Variants in RNASEL observed in about 807,000 individuals in gnomAD.
The protein encoded by RNASEL is ribonuclease L.
In RNASEL, 36 loss-of-function variants were observed where a neutral mutation model predicts 50.9. The observed-to-expected ratio is 0.71, with a 90% CI of 0.54 to 0.93. RNASEL has a LOEUF of 0.93. RNASEL is among the 40% of genes least tolerant of loss of function. RNASEL has a pLI of 0.00. For missense variants in RNASEL, 860 were observed against 894.5 expected (o/e 0.96, Z 0.49); for synonymous variants, 335 against 335.6 (o/e 1.00, Z 0.02).
In RNASEL at chr1:182,574,713, A is replaced by C. The variant is rs1025381934; in HGVS notation, c.*679T>G. On this transcript the variant is annotated 3_prime_UTR_variant, in exon 7 of 7. Coordinates refer to ENST00000367559, the MANE Select transcript of RNASEL (RefSeq NM_021133.4). ...TCAGACTCTGCCAAATGCTCTCTTCAGTGCAAAATTGCCCCCCAGTTGAGA... is the reference window on the plus strand; with the variant it reads ...TCAGACTCTGCCAAATGCTCTCTTCCGTGCAAAATTGCCCCCCAGTTGAGA... 1 of 232,712 alleles carries C rather than the reference A, an allele frequency of 4.3e-6. No homozygotes were observed. Among genetic ancestry groups the C allele is most frequent in the Non-Finnish European group, 8.5e-6 (1 of 117,968 alleles). 14.4% of individuals were successfully genotyped at this position (232,712 alleles called of 1,614,324 possible). A position where few individuals can be genotyped will look rare whatever the true frequency, so the allele number is the denominator to read the frequency against.
intron 5 of RNASEL, chr1:182,579,599 A>T: frequency 8.6e-7 from 1 of 1,159,474 alleles, no homozygotes; most frequent in South Asian, 1.7e-5. Flanking sequence ...TGCTGACAAA[A>T]TTAATTGTGT....
intron 3 of RNASEL, among the ~76,000 whole-genome samples, chr1:182,582,647 C>T (rs1288531549): frequency 1.3e-5 from 2 of 152,202 alleles, no homozygotes; most frequent in African/African-American, 4.8e-5. Context: ...TGTCACGCAG[C>T]AAATAAAAAA....
chr1:182,586,510 T>G lies in RNASEL; in HGVS notation c.297A>C (p.Ala99=), dbSNP rs1283118236. The part of the protein sequence containing the change: ...KKNGATPFIL[A]AIAGSVKLLK... ...GCAGCTTCACGCTCCCCGCAATCGC[T>G]GCGAGGATAAAAGGCGTGGCCCCAT... Residue 99 remains alanine, a synonymous_variant, in exon 2 of 7, where the codon GCA becomes GCC. Transcript: ENST00000367559. 6.2e-7 allele frequency: 1 copy of G among 1,611,326 alleles called. No homozygotes were observed. Among genetic ancestry groups the G allele is most frequent in the Non-Finnish European group, 8.5e-7 (1 of 1,177,832 alleles).
rs1661590970 is a variant in RNASEL at position 182,586,130 on chromosome 1, A to G, written c.677T>C (p.Leu226Pro). The G allele has an allele frequency of 2.2e-5, 36 of 1,614,200 alleles. No individual in the cohort carries two copies. The highest frequency in any genetic ancestry group is 3.1e-5 in the Non-Finnish European group (36 of 1,180,042). Residue 226 changes from leucine to proline, a missense_variant, in exon 2 of 7, where the codon CTG becomes CCG. Leu to Pro is a moderately conservative substitution (Grantham distance 98). Coordinates refer to ENST00000367559, the MANE Select transcript of RNASEL (RefSeq NM_021133.4). ...CACATTGACATCAGCCCCATGGTCC[A>G]GCAGCAGATGCGTAATAGCCTCCAC... ...SDVEAITHLL[L>P]DHGADVNVRG...
In RNASEL at chr1:182,576,401, AAAAAT is replaced by A; in HGVS notation, c.1906-17_1906-13del. 6.5e-7 allele frequency: 1 copy of A among 1,545,258 alleles called. No homozygotes were observed. Among genetic ancestry groups the A allele is most frequent in the South Asian group, 1.1e-5 (1 of 87,406 alleles). Reference sequence around the variant, plus strand: ...ACACATTCATTAATCTAAAAAAACAAAAAATAACACAAAAATGTGGTAGCAACACA... The same window carrying A: ...ACACATTCATTAATCTAAAAAAACAAAACACAAAAATGTGGTAGCAACACA... On this transcript the variant is annotated splice_polypyrimidine_tract_variant and intron_variant, in intron 5 of 6. Transcript: ENST00000367559.
rs2102370950 is a variant in RNASEL at position 182,585,929 on chromosome 1, C to T, written c.878G>A (p.Cys293Tyr). 2 of 1,614,168 alleles carry T rather than the reference C, an allele frequency of 1.2e-6. No individual in the cohort carries two copies. The highest frequency in any genetic ancestry group is 1.7e-6 in the Non-Finnish European group (2 of 1,180,018). The stretch of plus-strand genomic sequence containing the variant: ...ACAATCTGTACTGGCTCCACGTTTG[C>T]ACAGCAACTCGGCGATTTTCTTCAG... ...LKLKKIAELLCKRGASTDCGD... is the reference protein window; with the variant it reads ...LKLKKIAELLYKRGASTDCGD... Residue 293 changes from cysteine to tyrosine, a missense_variant, in exon 2 of 7, where the codon TGC (cysteine) becomes TAC (tyrosine). Physicochemically the swap from Cys to Tyr is radical, Grantham distance 194 (BLOSUM62 -2). Transcript: ENST00000367559.
Position 182,585,865 on chromosome 1 carries a change from A to G in RNASEL, c.942T>C (p.His314=). 6.2e-7 allele frequency: 1 copy of G among 1,612,776 alleles called. No individual in the cohort carries two copies. ...GAGAGAGAAGAACCTTCACAAGGGA[A>G]TGGTCATAATTCCGCCTCGCTGTCA... ...LVMTARRNYD[H]SLVKVLLSHG... is the part of the protein sequence containing the mutation. Residue 314 remains histidine (H), a synonymous_variant, in exon 2 of 7, where the codon CAT becomes CAC. Transcript: ENST00000367559.
At chr1:182,582,662 G>A (rs1661518492) in intron 3 of RNASEL, among the ~76,000 whole-genome samples, 1 of 152,180 alleles carries the variant, frequency 6.6e-6, no homozygotes, top group Admixed American at 6.5e-5. Flanking sequence ...AAAAAAGTCA[G>A]TCCAGGCCAG....
rs765020096 is a variant in RNASEL, at chr1:182,576,261, A to G, written c.2034T>C (p.His678=). The G allele has an allele frequency of 6.2e-7, 1 of 1,611,246 alleles. No homozygotes were observed. The highest frequency in any genetic ancestry group is 1.7e-5 in the Admixed American group (1 of 59,892). ...NLGEHIDEEK[H]KKMKLKIGDP... ...GGAATGAAAACAATACTTACTTTTT[A>G]TGCTTTTCTTCATCAATGTGTTCTC... Residue 678 remains histidine (H), a synonymous_variant, in exon 6 of 7, where the codon CAT becomes CAC. Transcript: ENST00000367559.
intron 3 of RNASEL, 133 bp downstream of exon 3, chr1:182,583,948 C>T: frequency 1.3e-6 from 1 of 741,646 alleles, no homozygotes; most frequent in Non-Finnish European, 2.4e-6. Context: ...CCGTGTGAGT[C>T]AATTCTCCTT....
rs753225175 is a variant in RNASEL at position 182,576,391 on chromosome 1, TA to T, written c.1906-3del. The T allele has an allele frequency of 5.8e-6, 9 of 1,563,688 alleles. No homozygotes were observed. The highest frequency in any genetic ancestry group is 7.9e-6 in the Non-Finnish European group (9 of 1,139,298). ...TTTTTTCATAACACATTCATTAATC[TA>T]AAAAAACAAAAAATAACACAAAAAT... On this transcript the variant is annotated splice_region_variant and splice_polypyrimidine_tract_variant and intron_variant, in intron 5 of 6. Transcript: ENST00000367559.
intron 3 of RNASEL, among the ~76,000 whole-genome samples, 155 bp downstream of exon 3, chr1:182,583,926 T>A (rs1661544536): frequency 6.6e-6 from 1 of 152,214 alleles, no homozygotes; most frequent in Non-Finnish European, 1.5e-5. Flanking sequence ...ATTATGGGAC[T>A]TTATGTTGTG....
chr1:182,587,607 G>A, intron 1 of RNASEL, among the ~76,000 whole-genome samples: 1 of 138,270 alleles, frequency 7.2e-6, no homozygotes, highest in African/African-American at 2.7e-5. Context: ...CCAGAGATAG[G>A]TGGCTTCCAA....
chr1:182,578,195 C>G (rs1454863941), intron 5 of RNASEL: 1 of 152,094 alleles, frequency 6.6e-6, no homozygotes, highest in Non-Finnish European at 1.5e-5. Context: ...AACAAACAAC[C>G]TGCAGCATGG....
At chr1:182,579,737 C>T (rs1661455041) in intron 5 of RNASEL, 2 of 1,170,980 alleles carry the variant, frequency 1.7e-6, no homozygotes, top group Non-Finnish European at 2.1e-6. Context: ...GGAAAAGAAC[C>T]AATAAATTGG....
chr1:182,585,928 G>A lies in RNASEL; in HGVS notation c.879C>T (p.Cys293=), dbSNP rs777496999. The change falls in exon 2 of 7, where the codon TGC becomes TGT. Residue 293 remains cysteine (C), a synonymous_variant. Coordinates refer to ENST00000367559, the MANE Select transcript of RNASEL (RefSeq NM_021133.4). ...CACAATCTGTACTGGCTCCACGTTT[G>A]CACAGCAACTCGGCGATTTTCTTCA... ...LKLKKIAELL[C]KRGASTDCGD... is the part of the protein sequence containing the mutation. The A allele has an allele frequency of 6.2e-7, 1 of 1,614,144 alleles. No homozygotes were observed. The highest frequency in any genetic ancestry group is 1.1e-5 in the South Asian group (1 of 91,070).
chr1:182,584,209 C>G (rs1215694492), intron 2 of RNASEL, 43 bp from the exon 3 acceptor site: 1 of 1,253,998 alleles, frequency 8.0e-7, no homozygotes, highest in East Asian at 2.3e-5. Context: ...TACTCATTCT[C>G]CATAAAGTGA....
At chr1:182,583,040 A>G (rs1216500084) in intron 3 of RNASEL, among the ~76,000 whole-genome samples, 2 of 152,204 alleles carry the variant, frequency 1.3e-5, no homozygotes, top group Non-Finnish European at 2.9e-5. Context: ...AGGAGTTTTC[A>G]GAGAACCTTA....
Position 182,589,235 on chromosome 1 carries a change from A to C in RNASEL, c.-233T>G, listed in dbSNP as rs976586929. Reference sequence around the variant, plus strand: ...AGCCTGGAAGACTGCTTGCAGCCCGAGCAGTTTCCTCCTGCTGCGTCACTG... The same window carrying C: ...AGCCTGGAAGACTGCTTGCAGCCCGCGCAGTTTCCTCCTGCTGCGTCACTG... On this transcript the variant is annotated 5_prime_UTR_variant, in exon 1 of 7. Transcript: ENST00000367559. The C allele has an allele frequency of 6.6e-5, 10 of 152,256 alleles. No homozygotes were observed. Among genetic ancestry groups the C allele is most frequent in the African/African-American group, 2.4e-4 (10 of 41,462 alleles). The allele number at this position is 152,256 out of a possible 1,614,324, so 9.4% of individuals were successfully genotyped here.
Sources: allele counts gnomAD v4.1 joint callset (sites outside exome capture counted in the v4.1 genomes callset), GRCh38; gene constraint gnomAD v4.1.1; transcripts MANE v1.5; gene names NCBI Gene and HGNC (gene_info 2026-07-23, HGNC 2026-07-21).